Variants in CAST observed in about 807,000 individuals in gnomAD.
The protein encoded by CAST is calpastatin.
In CAST, 76 loss-of-function variants were observed where a neutral mutation model predicts 119.6. That is an observed-to-expected ratio of 0.64 (90% confidence interval 0.53 to 0.77). The LOEUF is 0.77. Ranked by LOEUF, CAST falls within the 30% of genes least tolerant of loss-of-function variation. The probability of loss-of-function intolerance (pLI) is 0.00; values close to 1 mark genes in which losing one functional copy is unlikely to be tolerated. For synonymous variants in CAST, 319 were observed against 331.6 expected, an observed-to-expected ratio of 0.96 and a Z score of 0.41; for missense variants, 953 against 946.5, an observed-to-expected ratio of 1.01 and a Z score of -0.09.
chr5:96,173,914 T>G, the CAST span, among the ~76,000 whole-genome samples: 1 of 151,706 alleles, frequency 6.6e-6, no homozygotes, highest in Non-Finnish European at 1.5e-5. Flanking sequence ...GCTAATTTTT[T>G]TGTATTTTTA....
chr5:96,649,087 C>A, intron 1 of CAST, among the ~76,000 whole-genome samples: 1 of 152,078 alleles, frequency 6.6e-6, no homozygotes. Context: ...TATAAAATTG[C>A]CTATATTCAA....
chr5:96,299,283 AACAACAAC>A, the CAST span, among the ~76,000 whole-genome samples: 4 of 89,216 alleles, frequency 4.5e-5, no homozygotes, highest in South Asian at 6.5e-4. Flanking sequence ...CAACAACAAC[AACAACAAC>A]AAACAAACAA....
At chr5:96,251,489 C>T in the CAST span, among the ~76,000 whole-genome samples, 1 of 152,018 alleles carries the variant, frequency 6.6e-6, no homozygotes, top group African/African-American at 2.4e-5. Flanking sequence ...GGATGAGATT[C>T]CTCCCTCCCC....
At chr5:96,478,848 A>G in the CAST span, among the ~76,000 whole-genome samples, 9 of 152,248 alleles carry the variant, frequency 5.9e-5, no homozygotes, top group South Asian at 6.2e-4. Context: ...CGGCCACTGC[A>G]TATCTATATA....
the CAST span, among the ~76,000 whole-genome samples, chr5:96,261,428 C>G: frequency 6.6e-6 from 1 of 152,164 alleles, no homozygotes; most frequent in Non-Finnish European, 1.5e-5. Flanking sequence ...GCTATTACCC[C>G]CCCATCCAGG....
the CAST span, among the ~76,000 whole-genome samples, chr5:96,062,417 C>T: frequency 6.6e-6 from 1 of 152,082 alleles, no homozygotes; most frequent in South Asian, 2.1e-4. Context: ...TGAATGGATC[C>T]AGCGATGAAG....
At chr5:96,433,611 G>A in the CAST span, among the ~76,000 whole-genome samples, 1 of 152,080 alleles carries the variant, frequency 6.6e-6, no homozygotes, top group Non-Finnish European at 1.5e-5. Flanking sequence ...CGGGGAGGGG[G>A]GGAGGCTATA....
At chr5:96,091,033 G>C in the CAST span, among the ~76,000 whole-genome samples, 2 of 151,948 alleles carry the variant, frequency 1.3e-5, no homozygotes, top group Admixed American at 6.6e-5. Flanking sequence ...ATGCCTGGGG[G>C]GAAGGTACAT....
chr5:96,597,776 T>C (rs892511336), intron 1 of CAST, among the ~76,000 whole-genome samples: 1 of 152,248 alleles, frequency 6.6e-6, no homozygotes, highest in African/African-American at 2.4e-5. Context: ...ATGCTATTTA[T>C]TCAGGCCTCA....
At chr5:96,352,212 C>G in the CAST span, among the ~76,000 whole-genome samples, 9 of 152,132 alleles carry the variant, frequency 5.9e-5, no homozygotes, top group African/African-American at 1.4e-4. Flanking sequence ...TTTTGTGTCT[C>G]TTTTTGTGTT....
the CAST span, among the ~76,000 whole-genome samples, chr5:96,492,710 C>T: frequency 6.6e-6 from 1 of 152,020 alleles, no homozygotes; most frequent in South Asian, 2.1e-4. Context: ...TAATGAATGA[C>T]CAAATGACAA....
At chr5:96,637,318 C>G (rs1204951258) in intron 1 of CAST, among the ~76,000 whole-genome samples, 1 of 152,172 alleles carries the variant, frequency 6.6e-6, no homozygotes, top group Non-Finnish European at 1.5e-5. Flanking sequence ...GTAGCTTGCT[C>G]AAGCTAGTAT....
chr5:96,149,997 C>G, the CAST span, among the ~76,000 whole-genome samples: 1 of 152,088 alleles, frequency 6.6e-6, no homozygotes, highest in East Asian at 1.9e-4. Flanking sequence ...TCATCACCAT[C>G]TTCATCCTAT....
the CAST span, among the ~76,000 whole-genome samples, chr5:96,159,529 T>C: frequency 6.6e-5 from 10 of 152,346 alleles, no homozygotes; most frequent in South Asian, 1.9e-3. Flanking sequence ...AGCAGTGTCC[T>C]CTTCTGCTAT....
intron 1 of CAST, among the ~76,000 whole-genome samples, chr5:96,553,358 A>G (rs1243966940): frequency 6.6e-6 from 1 of 152,128 alleles, no homozygotes; most frequent in African/African-American, 2.4e-5. Flanking sequence ...ACAAAATTCA[A>G]CAGCCTTTCA....
chr5:96,416,933 G>C, the CAST span, among the ~76,000 whole-genome samples: 6 of 152,170 alleles, frequency 3.9e-5, no homozygotes, highest in Non-Finnish European at 5.9e-5. Flanking sequence ...CCACCATCCT[G>C]ACTCAGGAGG....
chr5:96,573,092 T>C (rs1470369397), intron 1 of CAST, among the ~76,000 whole-genome samples: 1 of 152,196 alleles, frequency 6.6e-6, no homozygotes, highest in Non-Finnish European at 1.5e-5. Context: ...TGTAAGTAAC[T>C]GTGTGGTTGC....
At chr5:96,335,119 C>T in the CAST span, among the ~76,000 whole-genome samples, 1 of 152,176 alleles carries the variant, frequency 6.6e-6, no homozygotes, top group African/African-American at 2.4e-5. Flanking sequence ...CTTCAGACTA[C>T]AAGCTTACTC....
the CAST span, among the ~76,000 whole-genome samples, chr5:96,086,583 TA>T: frequency 6.6e-6 from 1 of 152,204 alleles, no homozygotes; most frequent in East Asian, 1.9e-4. Context: ...AAAATCTATT[TA>T]AATAATTGCA....
Sources: gnomAD v4.1 joint callset for allele counts (sites outside exome capture counted in the v4.1 genomes callset) on GRCh38, gnomAD v4.1.1 for gene constraint, MANE v1.5 for transcripts, NCBI Gene and HGNC (gene_info 2026-07-23, HGNC 2026-07-21) for gene names.